CYP4X1: variants seen among roughly 807,000 people sequenced by gnomAD.
CYP4X1 encodes the protein cytochrome P450 4X1.
A neutral mutation model predicts 57.9 loss-of-function variants in CYP4X1; 44 were observed. The ratio of observed to expected loss-of-function variants is 0.76; its 90% confidence interval spans 0.60 to 0.98. The LOEUF (loss-of-function observed/expected upper bound fraction) is 0.98. CYP4X1 is among the 50% of genes least tolerant of loss of function. The probability of loss-of-function intolerance (pLI) is 0.00; values close to 1 mark genes in which losing one functional copy is unlikely to be tolerated. For missense variants in CYP4X1, 532 were observed against 623.9 expected, an observed-to-expected ratio of 0.85 and a Z score of 1.57; for synonymous variants, 227 against 228.6, an observed-to-expected ratio of 0.99 and a Z score of 0.06.
At chr1:47,046,673 G>C in intron 9 of CYP4X1, 73 bp downstream of exon 9, 1 of 1,603,366 alleles carries the variant, frequency 6.2e-7, no homozygotes, top group South Asian at 1.1e-5. Context: ...AAAGATTAGT[G>C]AGTCTCTTAG....
intron 8 of CYP4X1, 56 bp downstream of exon 8, chr1:47,039,588 A>G: frequency 6.8e-7 from 1 of 1,471,282 alleles, no homozygotes. Flanking sequence ...ATTTTGCTTT[A>G]TTTTTTGCGC....
intron 8 of CYP4X1, among the ~76,000 whole-genome samples, chr1:47,043,661 A>G (rs1644271531): frequency 6.6e-6 from 1 of 152,126 alleles, no homozygotes; most frequent in Non-Finnish European, 1.5e-5. Flanking sequence ...TGATTTTTGT[A>G]TAAGGTGAGA....
chr1:47,036,781 T>C (rs957512702), intron 6 of CYP4X1, among the ~76,000 whole-genome samples: 1 of 152,098 alleles, frequency 6.6e-6, no homozygotes, highest in Non-Finnish European at 1.5e-5. Context: ...AAAATGGAGA[T>C]TAAAAAAGAA....
upstream of CYP4X1, among the ~76,000 whole-genome samples, chr1:47,021,142 CAAA>C (rs546594827): frequency 1.5e-4 from 7 of 47,458 alleles, no homozygotes; most frequent in African/African-American, 4.9e-4. Context: ...GCAGGAATGC[CAAA>C]AAAAAAAAAA....
chr1:46,965,564 G>A, the CYP4X1 span, among the ~76,000 whole-genome samples: 1 of 152,236 alleles, frequency 6.6e-6, no homozygotes, highest in East Asian at 1.9e-4. Context: ...CTGTGAAACA[G>A]CAAAGATGGA....
At chr1:47,009,911 A>G in the CYP4X1 span, among the ~76,000 whole-genome samples, 3 of 152,238 alleles carry the variant, frequency 2.0e-5, no homozygotes, top group Admixed American at 6.5e-5. Context: ...AAATTGAGGC[A>G]ATAATTAATA....
rs1362907473 is a variant in CYP4X1, at chr1:47,036,175, T to C, written c.775+4T>C. Reference sequence around the variant, plus strand: ...CGAGTGTTGAATCAGTACACAGGTATTTGTTGGGTTTGGGTTGCCCACGTC... The same window carrying C: ...CGAGTGTTGAATCAGTACACAGGTACTTGTTGGGTTTGGGTTGCCCACGTC... On this transcript the variant is annotated splice_donor_region_variant and intron_variant, in intron 6 of 11. Transcript: ENST00000371901. 6.2e-7 allele frequency: 1 copy of C among 1,603,080 alleles called. No homozygotes were observed. Among genetic ancestry groups the C allele is most frequent in the Non-Finnish European group, 8.5e-7 (1 of 1,172,700 alleles).
chr1:46,978,240 G>A, the CYP4X1 span, among the ~76,000 whole-genome samples: 1 of 152,026 alleles, frequency 6.6e-6, no homozygotes, highest in Non-Finnish European at 1.5e-5. Context: ...CATCTCATGT[G>A]CAGCAACACA....
chr1:47,049,578 C>T, intron 11 of CYP4X1, 74 bp downstream of exon 11: 2 of 1,272,472 alleles, frequency 1.6e-6, no homozygotes, highest in South Asian at 1.2e-5. Flanking sequence ...TTCAGCTCCT[C>T]AGCTCTATAC....
upstream of CYP4X1, among the ~76,000 whole-genome samples, chr1:47,022,354 G>A (rs1273402395): frequency 7.2e-6 from 1 of 139,114 alleles, no homozygotes; most frequent in Non-Finnish European, 1.5e-5. Flanking sequence ...GCAGTGGCGC[G>A]ATCTCGGCTC....
chr1:47,033,387 T>G lies in CYP4X1; in HGVS notation c.492+19T>G. 6.2e-7 allele frequency: 1 copy of G among 1,613,316 alleles called. No individual in the cohort carries two copies. Among genetic ancestry groups the G allele is most frequent in the Non-Finnish European group, 8.5e-7 (1 of 1,179,530 alleles). ...GATGCTGGTAAGTAAAGGGGGAAAG[T>G]GCTCTGTGCATTGCGAAATGCTCCC... On this transcript the variant is annotated intron_variant, in intron 4 of 11. Coordinates refer to ENST00000371901, the MANE Select transcript of CYP4X1 (RefSeq NM_178033.2).
rs141825921 is a variant in CYP4X1 at position 47,036,050 on chromosome 1, A to C, written c.654A>C (p.Glu218Asp). ...ATCCTTATGCAAAAGCCATATTTGA[A>C]CTCAGCAAAATCATATTTCACCGCT... ...THDPYAKAIF[E>D]LSKIIFHRLY... is the part of the protein sequence containing the mutation. Residue 218 changes from glutamate (E) to aspartate (D), a missense_variant, in exon 6 of 12, where the codon GAA becomes GAC. Physicochemically the swap from Glu to Asp is conservative, Grantham distance 45. Coordinates refer to ENST00000371901, the MANE Select transcript of CYP4X1 (RefSeq NM_178033.2). The C allele has an allele frequency of 6.2e-7, 1 of 1,613,476 alleles. No homozygotes were observed. The highest frequency in any genetic ancestry group is 8.5e-7 in the Non-Finnish European group (1 of 1,179,590).
downstream of CYP4X1, among the ~76,000 whole-genome samples, chr1:47,054,300 C>G (rs2148519417): frequency 6.6e-6 from 1 of 152,230 alleles, no homozygotes; most frequent in South Asian, 2.1e-4. Flanking sequence ...GTACCAGTAC[C>G]ATGCTGTTTT....
chr1:47,042,084 A>G (rs1442078403), intron 8 of CYP4X1, among the ~76,000 whole-genome samples: 1 of 152,074 alleles, frequency 6.6e-6, no homozygotes, highest in Non-Finnish European at 1.5e-5. Context: ...TCAGTTGACA[A>G]TAAATGTGTG....
At position 47,048,772 on chromosome 1, in the gene CYP4X1, G is replaced by T. The variant is rs929378450; in HGVS notation, c.1272+143G>T. 15 of 801,098 alleles carry T rather than the reference G, an allele frequency of 1.9e-5. No homozygotes were observed. In the East Asian group the frequency reaches 3.6e-4, roughly 19 times the overall value. 49.6% of individuals were successfully genotyped at this position (801,098 alleles called of 1,614,324 possible). On this transcript the variant is annotated intron_variant, in intron 10 of 11. Coordinates refer to ENST00000371901, the MANE Select transcript of CYP4X1 (RefSeq NM_178033.2). Reference sequence around the variant, plus strand: ...AATAAACATAAAAGCCAAAAGAAATGTAAAACTATTCTATGTTCTTGAAAC... The same window carrying T: ...AATAAACATAAAAGCCAAAAGAAATTTAAAACTATTCTATGTTCTTGAAAC...
At chr1:47,048,702 C>A in intron 10 of CYP4X1, 73 bp downstream of exon 10, 1 of 1,362,974 alleles carries the variant, frequency 7.3e-7, no homozygotes. Flanking sequence ...TAGCTAAGCA[C>A]AGAAGTGGCT....
the CYP4X1 span, among the ~76,000 whole-genome samples, chr1:46,979,643 C>T: frequency 6.6e-6 from 1 of 152,124 alleles, no homozygotes; most frequent in Non-Finnish European, 1.5e-5. Context: ...CAGCATCATC[C>T]TGATACCAAA....
chr1:47,055,133 T>C (rs887704205), downstream of CYP4X1, among the ~76,000 whole-genome samples: 5 of 152,306 alleles, frequency 3.3e-5, no homozygotes, highest in Admixed American at 2.6e-4. Context: ...GCATGAAGGT[T>C]GTTGAATTTT....
the CYP4X1 span, among the ~76,000 whole-genome samples, chr1:47,013,826 G>T: frequency 7.8e-5 from 11 of 140,374 alleles, no homozygotes; most frequent in Non-Finnish European, 1.2e-4. Context: ...GCAGTGGCAT[G>T]ATCTCAGTTC....
Sources: gnomAD v4.1 joint callset for allele counts (sites outside exome capture counted in the v4.1 genomes callset) on GRCh38, gnomAD v4.1.1 for gene constraint, MANE v1.5 for transcripts, NCBI Gene and HGNC (gene_info 2026-07-23, HGNC 2026-07-21) for gene names.